The following MSH3 variants were observed in gnomAD, a reference collection of about 807,000 sequenced individuals.
MSH3 encodes mutS homolog 3.
A neutral mutation model predicts 123.3 loss-of-function variants in MSH3; 106 were observed. The ratio of observed to expected loss-of-function variants is 0.86; its 90% CI spans 0.73 to 1.01. MSH3 has a LOEUF of 1.01. Ranked by LOEUF, MSH3 falls within the 50% of genes least tolerant of loss-of-function variation. MSH3 has a pLI of 0.00. For missense variants in MSH3, 1,459 were observed against 1,347.6 expected (o/e 1.08, Z -1.29); for synonymous variants, 515 against 481.4 (o/e 1.07, Z -0.91).
intron 2 of MSH3, among the ~76,000 whole-genome samples, chr5:80,663,150 A>G (rs1749480079): frequency 6.6e-6 from 1 of 152,190 alleles, no homozygotes; most frequent in South Asian, 2.1e-4. Flanking sequence ...AGGTGGGAGG[A>G]TCTCTTGAGC....
chr5:80,710,929 G>A (rs1750844634), intron 8 of MSH3, among the ~76,000 whole-genome samples: 3 of 151,984 alleles, frequency 2.0e-5, no homozygotes, highest in African/African-American at 7.3e-5. Flanking sequence ...CAAGTTGCAC[G>A]CTGATCCTCT....
intron 22 of MSH3, among the ~76,000 whole-genome samples, chr5:80,868,361 T>A (rs755455676): frequency 5.8e-4 from 88 of 151,818 alleles, no homozygotes; most frequent in Non-Finnish European, 1.2e-3. Context: ...AGACATGGAA[T>A]CTACCTAAAT....
intron 8 of MSH3, among the ~76,000 whole-genome samples, chr5:80,702,824 C>A (rs1279795279): frequency 6.6e-6 from 1 of 152,122 alleles, no homozygotes; most frequent in African/African-American, 2.4e-5. Flanking sequence ...CCAGCCTGGG[C>A]ATCATGGTAA....
chr5:80,755,053 C>T (rs1041721047), intron 12 of MSH3, among the ~76,000 whole-genome samples: 1 of 152,146 alleles, frequency 6.6e-6, no homozygotes, highest in Non-Finnish European at 1.5e-5. Flanking sequence ...GTTTACTCAG[C>T]CCCTGGGGAT....
At chr5:80,712,942 T>C (rs1750887239) in intron 8 of MSH3, among the ~76,000 whole-genome samples, 1 of 152,210 alleles carries the variant, frequency 6.6e-6, no homozygotes, top group Admixed American at 6.5e-5. Context: ...TTGTCTGTCC[T>C]ACTCAGTCAA....
At chr5:80,675,699 C>G (rs1749824531) in intron 7 of MSH3, among the ~76,000 whole-genome samples, 2 of 152,178 alleles carry the variant, frequency 1.3e-5, no homozygotes, top group South Asian at 4.1e-4. Flanking sequence ...CATATCAATA[C>G]TCTATGCTAT....
chr5:80,656,272 A>C (rs539958592), intron 1 of MSH3, 139 bp from the exon 2 acceptor site: 1 of 1,144,284 alleles, frequency 8.7e-7, no homozygotes, highest in South Asian at 1.3e-5. Flanking sequence ...AGGGTTTTCC[A>C]GAGCTAAAAG....
intron 13 of MSH3, among the ~76,000 whole-genome samples, chr5:80,763,120 T>A (rs1256079121): frequency 6.6e-6 from 1 of 152,194 alleles, no homozygotes; most frequent in Non-Finnish European, 1.5e-5. Flanking sequence ...GTGCTGGGAT[T>A]ACAGGCATGA....
rs1418524419 is a variant in MSH3 at position 80,718,112 on chromosome 5, A to C, written c.1341-7341A>C. Among the ~76,000 whole-genome samples, 5 of 152,230 alleles carry C rather than the reference A, an allele frequency of 3.3e-5. No individual in the cohort carries two copies. In the East Asian group the frequency reaches 9.6e-4, roughly 29 times the overall value. On this transcript the variant is annotated intron_variant, in intron 8 of 23. Coordinates refer to ENST00000265081, the MANE Select transcript of MSH3 (RefSeq NM_002439.5). ...CTAGTCCAGGATATAGAGTTTTGGC[A>C]GTCACTCTAGAAGCTCTCTCTGCCT...
At chr5:80,860,614 G>A (rs936172860) in intron 21 of MSH3, among the ~76,000 whole-genome samples, 3 of 151,270 alleles carry the variant, frequency 2.0e-5, no homozygotes, top group African/African-American at 7.3e-5. Context: ...TTGGTTTTCT[G>A]TAGTTTGAAT....
intron 19 of MSH3, among the ~76,000 whole-genome samples, chr5:80,794,167 A>G (rs1744655125): frequency 1.3e-5 from 2 of 152,184 alleles, no homozygotes; most frequent in South Asian, 4.1e-4. Flanking sequence ...AGGGGCAGAA[A>G]AAGTATTTAT....
intron 20 of MSH3, among the ~76,000 whole-genome samples, chr5:80,846,525 G>C (rs1320745524): frequency 6.6e-6 from 1 of 152,154 alleles, no homozygotes; most frequent in African/African-American, 2.4e-5. Flanking sequence ...GGAATCTAGA[G>C]AGGCAGTAGG....
At chr5:80,773,248 G>A (rs1416813465) in intron 15 of MSH3, among the ~76,000 whole-genome samples, 3 of 152,092 alleles carry the variant, frequency 2.0e-5, no homozygotes, top group Non-Finnish European at 2.9e-5. Context: ...TTTATAAAAA[G>A]GCCAACATTT....
chr5:80,726,850 A>G (rs1022166578), intron 9 of MSH3, among the ~76,000 whole-genome samples: 1 of 152,188 alleles, frequency 6.6e-6, no homozygotes, highest in Non-Finnish European at 1.5e-5. Flanking sequence ...GATAAATCTT[A>G]AGACTACCAT....
In MSH3 at chr5:80,654,770, A is replaced by G. The variant is rs1414195684; in HGVS notation, c.43A>G (p.Ser15Gly). 1 of 1,605,668 alleles carries G rather than the reference A, an allele frequency of 6.2e-7. No individual in the cohort carries two copies. The highest frequency in any genetic ancestry group is 8.5e-7 in the Non-Finnish European group (1 of 1,177,028). The part of the protein sequence containing the change: ...KPASGGLAAS[S>G]SAPARQAVLS... ...TGCGTCGGGCGGCCTCGCTGCCTCC[A>G]GCTCAGCCCCTGCGAGGCAAGCGGT... is the stretch of plus-strand genomic sequence containing the variant. The change falls in exon 1 of 24, where the codon AGC (serine) becomes GGC (glycine). Residue 15 changes from serine to glycine, a missense_variant. Coordinates refer to ENST00000265081, the MANE Select transcript of MSH3 (RefSeq NM_002439.5).
intron 20 of MSH3, among the ~76,000 whole-genome samples, chr5:80,851,964 C>G (rs1006999436): frequency 6.6e-6 from 1 of 152,158 alleles, no homozygotes; most frequent in Non-Finnish European, 1.5e-5. Context: ...ACATTTCTAA[C>G]AAGACCACTC....
rs1749805433 is a variant in MSH3, at chr5:80,674,983, A to G, written c.1028A>G (p.Asp343Gly). ...ATTATTTTTCTTTAATTATTATTAA[A>G]TGTGAATCCCCTAATCAAGCTGGAT... ...LYTKSTLIGE[D>G]VNPLIKLDDA... Residue 343 changes from aspartate (D) to glycine (G), a missense_variant and splice_region_variant, in exon 7 of 24, where the codon GAT (aspartate) becomes GGT (glycine). Physicochemically the swap from Asp to Gly is moderately conservative, Grantham distance 94. Coordinates refer to ENST00000265081, the MANE Select transcript of MSH3 (RefSeq NM_002439.5). The G allele has an allele frequency of 6.3e-7, 1 of 1,595,744 alleles. No individual in the cohort carries two copies. Among genetic ancestry groups the G allele is most frequent in the Admixed American group, 1.7e-5 (1 of 59,842 alleles).
At chr5:80,823,330 G>A (rs1356660039) in intron 20 of MSH3, among the ~76,000 whole-genome samples, 1 of 152,142 alleles carries the variant, frequency 6.6e-6, no homozygotes, top group Non-Finnish European at 1.5e-5. Flanking sequence ...TAGGAATCTG[G>A]TGAAATGCTT....
chr5:80,697,884 T>C (rs1209963824), intron 8 of MSH3, among the ~76,000 whole-genome samples: 1 of 152,202 alleles, frequency 6.6e-6, no homozygotes, highest in Non-Finnish European at 1.5e-5. Context: ...AAATTCTAAT[T>C]GATTTTTTTA....
Sources: allele counts gnomAD v4.1 joint callset (sites outside exome capture counted in the v4.1 genomes callset), GRCh38; gene constraint gnomAD v4.1.1; transcripts MANE v1.5; gene names NCBI Gene and HGNC (gene_info 2026-07-23, HGNC 2026-07-21).